The following ANO8 variants were observed in gnomAD, a reference collection of about 807,000 sequenced individuals.
ANO8 encodes the protein anoctamin-8.
ANO8 carries 67 observed loss-of-function variants against 120.4 expected under a neutral mutation model. The observed-to-expected ratio is 0.56, with a 90% CI of 0.46 to 0.68. The LOEUF is 0.68. Ranked by LOEUF, ANO8 falls within the 30% of genes least tolerant of loss-of-function variation. The pLI is 0.00. For synonymous variants in ANO8, 727 were observed against 759.2 expected (o/e 0.96, Z 0.70); for missense variants, 1,526 against 1,737.6 (o/e 0.88, Z 2.16).
intron 9 of ANO8, 36 bp from the exon 10 acceptor site, chr19:17,330,287 G>T: frequency 6.2e-7 from 1 of 1,613,674 alleles, no homozygotes; most frequent in Non-Finnish European, 8.5e-7. Context: ...CATCCCAGCT[G>T]CAGGGCTCAG....
rs764862861 is a variant in ANO8 at position 17,325,362 on chromosome 19, G to A, written c.2686C>T (p.Arg896Cys). 13 of 1,594,748 alleles carry A rather than the reference G, an allele frequency of 8.2e-6. No individual in the cohort carries two copies. The highest frequency in any genetic ancestry group is 4.0e-5 in the African/African-American group (3 of 74,828). ...FKRHERQAQH[R>C]YQQQQRRRRE... ...CGCCTGCGCTGCTGCTGCTGGTAGC[G>A]ATGCTGGGCCTGGCGCTCGTGTCTC... The change falls in exon 17 of 18, where the codon CGC (arginine) becomes TGC (cysteine). Residue 896 changes from arginine (R) to cysteine (C), a missense_variant. Transcript: ENST00000159087.
At position 17,328,258 on chromosome 19, in the gene ANO8, T is replaced by A; in HGVS notation, c.2130A>T (p.Arg710Ser). ...GSNSDSTRRQ[R>S]RQNRSSWIDP... ...CAATCCAAGACGACCGGTTCTGCCG[T>A]CTCTGCCTACGGGTCGAATCGCTGT... is the stretch of plus-strand genomic sequence containing the variant. The change falls in exon 13 of 18, where the codon AGA becomes AGT. Residue 710 changes from arginine (R) to serine (S), a missense_variant. Around this residue, in one of 8 missense-constraint regions of ANO8, gnomAD observed 467 missense variants for 425.8 expected, o/e 1.10. Coordinates refer to ENST00000159087, the MANE Select transcript of ANO8 (RefSeq NM_020959.3). 1 of 1,611,232 alleles carries A rather than the reference T, an allele frequency of 6.2e-7. No homozygotes were observed. Among genetic ancestry groups the A allele is most frequent in the Non-Finnish European group, 8.5e-7 (1 of 1,178,922 alleles).
chr19:17,332,816 T>C, intron 5 of ANO8, 114 bp downstream of exon 5: 1 of 1,199,418 alleles, frequency 8.3e-7, no homozygotes, highest in South Asian at 1.3e-5. Context: ...CCTAACTCTT[T>C]GCCAACCCCT....
At chr19:17,331,048 C>T (rs767340881) in intron 7 of ANO8, 40 bp downstream of exon 7, 2 of 1,613,614 alleles carry the variant, frequency 1.2e-6, no homozygotes, top group South Asian at 2.2e-5. Context: ...AGGAGGGCGC[C>T]TCTGGATCCC....
intron 17 of ANO8, among the ~76,000 whole-genome samples, chr19:17,324,387 CAGG>C (rs1206064631): frequency 6.6e-6 from 1 of 152,018 alleles, no homozygotes; most frequent in Non-Finnish European, 1.5e-5. Context: ...TGAGCTGGAG[CAGG>C]AGAAGGGTGG....
In ANO8 at chr19:17,323,344, T is replaced by TG. The variant is rs1555723858; in HGVS notation, c.*172_*173insC. 34 of 404,866 alleles carry TG rather than the reference T, an allele frequency of 8.4e-5. No individual in the cohort carries two copies. The highest frequency in any genetic ancestry group is 4.5e-4 in the South Asian group (4 of 8,950). 25.1% of individuals were successfully genotyped at this position (404,866 alleles called of 1,614,324 possible). A position where few individuals can be genotyped will look rare whatever the true frequency, so the allele number is the denominator to read the frequency against. On this transcript the variant is annotated 3_prime_UTR_variant, in exon 18 of 18. Transcript: ENST00000159087. Reference sequence around the variant, plus strand: ...GTGTGTGTGTGTGTGTGTGTGTGTGTTTTCTGTTGGATTTGTGGGTTTCCT... The same window carrying TG: ...GTGTGTGTGTGTGTGTGTGTGTGTGTGTTTCTGTTGGATTTGTGGGTTTCCT...
Position 17,333,059 on chromosome 19 carries a change from CAT to C in ANO8, c.490-35_490-34del, listed in dbSNP as rs2074331017. ...GAAGAGGGCGTGAGCTCAGGGAACT[CAT>C]AGGCACAGGATGCATGCGGGGGCCC... is the stretch of plus-strand genomic sequence containing the variant. On this transcript the variant is annotated intron_variant, in intron 4 of 17. Transcript: ENST00000159087. This position sits in a 1 kb window ranked among gnomAD's most constrained non-coding sequence, Gnocchi z 7.2. The C allele has an allele frequency of 6.8e-6, 11 of 1,613,996 alleles. No individual in the cohort carries two copies. The highest frequency in any genetic ancestry group is 9.3e-6 in the Non-Finnish European group (11 of 1,179,972).
At position 17,323,319 on chromosome 19, in the gene ANO8, G is replaced by C. The variant is rs2074250072; in HGVS notation, c.*198C>G. 1 of 301,870 alleles carries C rather than the reference G, an allele frequency of 3.3e-6. No individual in the cohort carries two copies. The highest frequency in any genetic ancestry group is 3.6e-5 in the African/African-American group (1 of 28,152). 18.7% of individuals were successfully genotyped at this position (301,870 alleles called of 1,614,324 possible). A position where few individuals can be genotyped will look rare whatever the true frequency, so the allele number is the denominator to read the frequency against. On this transcript the variant is annotated 3_prime_UTR_variant, in exon 18 of 18. Transcript: ENST00000159087. ...ATAAATAATCGCCTGTTCTGTGTGT[G>C]TGTGTGTGTGTGTGTGTGTGTGTGT...
chr19:17,324,565 T>A (rs1438315347), intron 17 of ANO8, 152 bp downstream of exon 17: 1 of 1,330,396 alleles, frequency 7.5e-7, no homozygotes, highest in Non-Finnish European at 1.0e-6. Context: ...AGGCTTTAAC[T>A]GAGAGGCTCC....
rs2074282664 is a variant in ANO8, at chr19:17,327,765, C to T, written c.2342G>A (p.Arg781His). The T allele has an allele frequency of 6.2e-7, 1 of 1,614,152 alleles. No individual in the cohort carries two copies. Residue 781 changes from arginine to histidine, a missense_variant, in exon 14 of 18, where the codon CGC (arginine) becomes CAC (histidine). This residue lies in a region of ANO8 where 77 missense variants were observed against 131.5 expected (regional missense o/e 0.59). Coordinates refer to ENST00000159087, the MANE Select transcript of ANO8 (RefSeq NM_020959.3). ...GGTGCACAGCTTGAAGGCGTCGCTG[C>T]GGATCTCAATGAGGTTGTTGACCAG... ...CALVNNLIEI[R>H]SDAFKLCTGL... is the part of the protein sequence containing the mutation.
Position 17,328,810 on chromosome 19 carries a change from G to A in ANO8, c.1578C>T (p.Leu526=). Residue 526 remains leucine, a synonymous_variant, in exon 13 of 18, where the codon CTC becomes CTT. Transcript: ENST00000159087. ...LSLRRPAPRR[L]EPQADEGGGG... ...CCCCGCCCTCATCCGCCTGGGGTTCGAGGCGGCGGGGCGCAGGGCGCCGGA... is the reference window on the plus strand; with the variant it reads ...CCCCGCCCTCATCCGCCTGGGGTTCAAGGCGGCGGGGCGCAGGGCGCCGGA... 1.4e-6 allele frequency: 2 copies of A among 1,400,586 alleles called. No homozygotes were observed. Among genetic ancestry groups the A allele is most frequent in the Non-Finnish European group, 1.8e-6 (2 of 1,082,096 alleles). The allele number at this position is 1,400,586 out of a possible 1,614,324, so 86.8% of individuals were successfully genotyped here.
Position 17,331,218 on chromosome 19 carries a change from G to A in ANO8, c.704-3C>T, listed in dbSNP as rs759177530. On this transcript the variant is annotated splice_polypyrimidine_tract_variant and splice_region_variant and intron_variant, in intron 6 of 17. Transcript: ENST00000159087. ...ACCAAAGTAATCACAGATGTCATCT[G>A]CCAGGGGACAAGTGGGTCTCAGTCA... 30 of 1,614,054 alleles carry A rather than the reference G, an allele frequency of 1.9e-5. No homozygotes were observed. Among genetic ancestry groups the A allele is most frequent in the Non-Finnish European group, 2.5e-5 (30 of 1,180,042 alleles).
In ANO8 at chr19:17,330,127, A is replaced by T. The variant is rs1329076694; in HGVS notation, c.1271T>A (p.Met424Lys). 1.9e-6 allele frequency: 3 copies of T among 1,613,938 alleles called. No individual in the cohort carries two copies. The African/African-American group carries it at 4.0e-5, about 22-fold the overall frequency. Residue 424 changes from methionine (M) to lysine (K), a missense_variant and splice_region_variant, in exon 10 of 18, where the codon ATG becomes AAG. By Grantham distance (95) the Met-to-Lys change is moderately conservative (BLOSUM62 -1). Transcript: ENST00000159087. ...AGAGACCCCCTGGCAGGTCGTACCC[A>T]TGTCATTGAGCCAGATGGCTAGCTT... The part of the protein sequence containing the change: ...YKKLAIWLND[M>K]ENYRLESAYE...
At chr19:17,327,412 G>T in intron 15 of ANO8, 26 bp downstream of exon 15, 1 of 1,579,844 alleles carries the variant, frequency 6.3e-7, no homozygotes, top group Non-Finnish European at 8.6e-7. Context: ...CCTCCCAGCT[G>T]CCCCCGCCCC....
chr19:17,328,063 C>T, intron 13 of ANO8, 99 bp downstream of exon 13: 1 of 1,372,586 alleles, frequency 7.3e-7, no homozygotes, highest in Non-Finnish European at 9.7e-7. Context: ...ATCAATGGCC[C>T]TGTTATCACC....
Position 17,328,244 on chromosome 19 carries a change from G to C in ANO8, c.2144C>G (p.Ser715Trp). The change falls in exon 13 of 18, where the codon TCG (serine) becomes TGG (tryptophan). Residue 715 changes from serine (S) to tryptophan (W), a missense_variant. Physicochemically the swap from Ser to Trp is radical, Grantham distance 177 (BLOSUM62 -3). Transcript: ENST00000159087. ...STRRQRRQNR[S>W]SWIDPPEEEH... is the part of the protein sequence containing the mutation. ...CTCCTCCGGCGGGTCAATCCAAGAC[G>C]ACCGGTTCTGCCGTCTCTGCCTACG... 2 of 1,610,648 alleles carry C rather than the reference G, an allele frequency of 1.2e-6. No homozygotes were observed. Among genetic ancestry groups the C allele is most frequent in the Non-Finnish European group, 8.5e-7 (1 of 1,178,324 alleles).
Position 17,327,895 on chromosome 19 carries a change from G to A in ANO8, c.2227-15C>T, listed in dbSNP as rs1454405737. 2 of 1,609,418 alleles carry A rather than the reference G, an allele frequency of 1.2e-6. No individual in the cohort carries two copies. The highest frequency in any genetic ancestry group is 1.7e-5 in the Admixed American group (1 of 59,722). ...TGGAACGTGTCCTGCGAGTGGGCGGGCCTCAGACCTGGAAGCCTCTTCCCT... is the reference window on the plus strand; with the variant it reads ...TGGAACGTGTCCTGCGAGTGGGCGGACCTCAGACCTGGAAGCCTCTTCCCT... On this transcript the variant is annotated splice_polypyrimidine_tract_variant and intron_variant, in intron 13 of 17. Transcript: ENST00000159087.
chr19:17,323,722 C>CG lies in ANO8; in HGVS notation c.3493dup (p.Arg1165ProfsTer53), dbSNP rs2074253827. On this transcript the variant is annotated frameshift_variant, in exon 18 of 18. Transcript: ENST00000159087. LOFTEE classifies it low-confidence loss of function (END_TRUNC). ...GCACTCGGCAGCGGCCAGGGCCTGGCGGGGGGCGGCACCCTCGCCCCCGCA... is the reference window on the plus strand; with the variant it reads ...GCACTCGGCAGCGGCCAGGGCCTGGCGGGGGGGCGGCACCCTCGCCCCCGCA... The CG allele has an allele frequency of 3.6e-6, 4 of 1,116,040 alleles. No individual in the cohort carries two copies. Among genetic ancestry groups the CG allele is most frequent in the African/African-American group, 1.7e-5 (1 of 58,998 alleles). 69.1% of individuals were successfully genotyped at this position (1,116,040 alleles called of 1,614,324 possible). A position where few individuals can be genotyped will look rare whatever the true frequency, so the allele number is the denominator to read the frequency against.
In ANO8 at chr19:17,323,248, C is replaced by A; in HGVS notation, c.*269G>T. The A allele has an allele frequency of 4.3e-6, 1 of 233,332 alleles. No homozygotes were observed. The highest frequency in any genetic ancestry group is 7.7e-5 in the East Asian group (1 of 12,930). The allele number at this position is 233,332 out of a possible 1,614,324, so 14.5% of individuals were successfully genotyped here. On this transcript the variant is annotated 3_prime_UTR_variant, in exon 18 of 18. Coordinates refer to ENST00000159087, the MANE Select transcript of ANO8 (RefSeq NM_020959.3). ...CACTGTTGAAATATAGTTTTTATTG[C>A]ATTTCTGCCGTTTTACAAAAATATG...
Sources: gnomAD v4.1 joint callset for allele counts (sites outside exome capture counted in the v4.1 genomes callset) on GRCh38, gnomAD v4.1.1 for gene constraint, gnomAD v4.1.1 regional missense constraint, Gnocchi (gnomAD v3.1) non-coding constraint, MANE v1.5 for transcripts, NCBI Gene and HGNC (gene_info 2026-07-23, HGNC 2026-07-21) for gene names.